Variants in NUB1 observed in about 807,000 individuals in gnomAD.
NUB1 encodes the protein negative regulator of ubiquitin like proteins 1, also known as NEDD8 ultimate buster 1.
Under a neutral mutation model 77.1 loss-of-function variants are expected in NUB1, and 41 were observed. That is an observed-to-expected ratio of 0.53 (90% CI 0.41 to 0.69). The LOEUF (loss-of-function observed/expected upper bound fraction) is 0.69, where lower values mean the gene tolerates loss of function less well. Ranked by LOEUF, NUB1 falls within the 30% of genes least tolerant of loss-of-function variation. The probability of loss-of-function intolerance (pLI) is 0.00; values close to 1 mark genes in which losing one functional copy is unlikely to be tolerated. For missense variants in NUB1, 643 were observed against 743.8 expected, an observed-to-expected ratio of 0.86 and a Z score of 1.58; for synonymous variants, 257 against 281.0, an observed-to-expected ratio of 0.91 and a Z score of 0.85.
At position 151,376,966 on chromosome 7, in the gene NUB1, G is replaced by C. The variant is rs1435297644; in HGVS notation, c.1670-81G>C. On this transcript the variant is annotated intron_variant, in intron 14 of 14. Transcript: ENST00000568733. The stretch of plus-strand genomic sequence containing the variant: ...GACAGTGTGGCCAGCAAGAGGCACA[G>C]TCTGAGGTTGACTGTGGTCGTGCAG... The C allele has an allele frequency of 2.8e-6, 4 of 1,426,204 alleles. No homozygotes were observed. The East Asian group carries it at 1.0e-4, about 36-fold the overall frequency. 88.3% of individuals were successfully genotyped at this position (1,426,204 alleles called of 1,614,324 possible).
At position 151,351,499 on chromosome 7, in the gene NUB1, T is replaced by C; in HGVS notation, c.344+17T>C. The stretch of plus-strand genomic sequence containing the variant: ...GAGGTCCAAGTAAGTATCTGTGTGC[T>C]CTGTGTCCTAGGTGCTCTGGGCCTT... On this transcript the variant is annotated intron_variant, in intron 4 of 14. Transcript: ENST00000568733. The C allele has an allele frequency of 1.2e-6, 2 of 1,602,670 alleles. No individual in the cohort carries two copies. Among genetic ancestry groups the C allele is most frequent in the Non-Finnish European group, 1.7e-6 (2 of 1,170,768 alleles).
At position 151,351,916 on chromosome 7, in the gene NUB1, A is replaced by ATCACACACACAC. The variant is rs60437024; in HGVS notation, c.344+434_344+435insTCACACACACAC. Among the ~76,000 whole-genome samples the ATCACACACACAC allele has an allele frequency of 4.5e-3, 679 of 151,120 alleles. 21 individuals are homozygous for ATCACACACACAC. The highest frequency in any genetic ancestry group is 0.03 in the Admixed American group (453 of 15,184). On this transcript the variant is annotated intron_variant, in intron 4 of 14. Coordinates refer to ENST00000568733, the MANE Select transcript of NUB1 (RefSeq NM_001243351.2). ...TTTCAGGCTGTTGGCCCATCTGTAA[A>ATCACACACACAC]ACACACACACACACACACACGTTTG... is the stretch of plus-strand genomic sequence containing the variant.
chr7:151,372,243 C>T (rs78640108), intron 11 of NUB1, among the ~76,000 whole-genome samples: 6,947 of 152,338 alleles, frequency 0.046, 222 homozygotes, highest in Non-Finnish European at 0.07. Context: ...CAGTGCAGTA[C>T]TCACTGTCAT....
At chr7:151,350,732 C>T (rs1316182773) in intron 3 of NUB1, among the ~76,000 whole-genome samples, 3 of 152,164 alleles carry the variant, frequency 2.0e-5, no homozygotes, top group Admixed American at 6.5e-5. Context: ...TTTGTGCCCT[C>T]GGTCTCTTGC....
At chr7:151,345,605 C>T (rs1796468043) in intron 2 of NUB1, 139 bp downstream of exon 2, 2 of 509,466 alleles carry the variant, frequency 3.9e-6, no homozygotes, top group Admixed American at 7.8e-5. Flanking sequence ...CCACTTTTTA[C>T]TAGGAACTGA....
intron 8 of NUB1, among the ~76,000 whole-genome samples, chr7:151,363,982 C>T (rs1374630676): frequency 3.3e-5 from 5 of 151,500 alleles, no homozygotes; most frequent in Non-Finnish European, 5.9e-5. Context: ...TTAGTAGAGA[C>T]GGGGTTTCAC....
At chr7:151,374,773 A>G in intron 12 of NUB1, 1 of 169,652 alleles carries the variant, frequency 5.9e-6, no homozygotes, top group Non-Finnish European at 1.3e-5. Context: ...AAGCATATCG[A>G]ATCCTCAGTA....
chr7:151,368,817 C>T lies in NUB1; in HGVS notation c.1178C>T (p.Ala393Val), dbSNP rs1325315733. ...LLQLGFTAQE[A>V]RLGLRACDGN... ...CAGTTGGGGTTTACTGCCCAGGAAG[C>T]CCGGCTTGGCCTGAGGGCGTGTGAT... The change falls in exon 11 of 15, where the codon GCC becomes GTC. Residue 393 changes from alanine (A) to valine (V), a missense_variant. Ala to Val is a moderately conservative substitution (Grantham distance 64). Transcript: ENST00000568733. 5 of 1,614,026 alleles carry T rather than the reference C, an allele frequency of 3.1e-6. No individual in the cohort carries two copies. Among genetic ancestry groups the T allele is most frequent in the African/African-American group, 1.3e-5 (1 of 75,060 alleles).
intron 3 of NUB1, among the ~76,000 whole-genome samples, chr7:151,350,276 CTGACTAATGTCAGG>C (rs1796725304): frequency 6.6e-6 from 1 of 152,272 alleles, no homozygotes; most frequent in African/African-American, 2.4e-5. Flanking sequence ...GTGGGCGGGC[CTGACTAATGTCAGG>C]CCTTCCACAA....
At chr7:151,359,541 G>A (rs1279107897) in intron 7 of NUB1, among the ~76,000 whole-genome samples, 1 of 152,188 alleles carries the variant, frequency 6.6e-6, no homozygotes, top group Non-Finnish European at 1.5e-5. Flanking sequence ...CATTTTGGGA[G>A]GCCAAGGCGG....
At chr7:151,365,316 CTCTTTT>C (rs1464152762) in intron 8 of NUB1, among the ~76,000 whole-genome samples, 1 of 92,182 alleles carries the variant, frequency 1.1e-5, no homozygotes, top group Non-Finnish European at 2.2e-5. Context: ...TTTCTTCTCT[CTCTTTT>C]TTTTTTTTTT....
intron 1 of NUB1, 165 bp downstream of exon 1, chr7:151,342,011 G>A: frequency 8.1e-7 from 1 of 1,239,252 alleles, no homozygotes; most frequent in East Asian, 3.3e-5. Context: ...GGCCGGGGCC[G>A]GGAGCGGTGG....
Position 151,341,999 on chromosome 7 carries a change from G to A in NUB1, c.-3+153G>A, listed in dbSNP as rs535204018. 8.8e-5 allele frequency: 111 copies of A among 1,257,122 alleles called. 1 individual carries two copies. The South Asian group carries it at 2.6e-3, about 30-fold the overall frequency. 77.9% of individuals were successfully genotyped at this position (1,257,122 alleles called of 1,614,324 possible). ...CCATGCGTGGAGCTGGGCCGGGGCC[G>A]GGGCCGGGGCCGGGAGCGGTGGGCC... On this transcript the variant is annotated intron_variant, in intron 1 of 14. Transcript: ENST00000568733.
intron 7 of NUB1, 41 bp downstream of exon 7, chr7:151,356,263 T>C (rs751961573): frequency 1.4e-6 from 2 of 1,450,060 alleles, no homozygotes; most frequent in Non-Finnish European, 1.9e-6. Context: ...CTTAGATTTG[T>C]TGTCAGGGCA....
chr7:151,343,700 G>C (rs910226416), intron 1 of NUB1, among the ~76,000 whole-genome samples: 2 of 152,146 alleles, frequency 1.3e-5, no homozygotes, highest in Admixed American at 6.5e-5. Context: ...ACTTCTCTGG[G>C]AGAGAGAAGT....
At position 151,349,246 on chromosome 7, in the gene NUB1, T is replaced by G; in HGVS notation, c.285+6T>G. ...TACCACCAAGACTAAAAAAAGTGAGTAATTTCCCTAAATTTGAGTAGGCAC... is the reference window on the plus strand; with the variant it reads ...TACCACCAAGACTAAAAAAAGTGAGGAATTTCCCTAAATTTGAGTAGGCAC... On this transcript the variant is annotated splice_donor_region_variant and intron_variant, in intron 3 of 14. Transcript: ENST00000568733. 1.9e-6 allele frequency: 3 copies of G among 1,601,438 alleles called. No individual in the cohort carries two copies. The highest frequency in any genetic ancestry group is 2.6e-6 in the Non-Finnish European group (3 of 1,174,724).
rs1234121833 is a variant in NUB1, at chr7:151,377,158, A to T, written c.1781A>T (p.Glu594Val). The T allele has an allele frequency of 6.3e-7, 1 of 1,590,484 alleles. No individual in the cohort carries two copies. Among genetic ancestry groups the T allele is most frequent in the Non-Finnish European group, 8.6e-7 (1 of 1,167,192 alleles). ...TATCTTGACTCAACTCTGGAAGATG[A>T]AGAAATTATTATTGCAGAGTACCTA... Reference protein sequence around the residue: ...EDYLDSTLEDEEIIIAEYLSY... With the variant: ...EDYLDSTLEDVEIIIAEYLSY... The change falls in exon 15 of 15, where the codon GAA becomes GTA. Residue 594 changes from glutamate (E) to valine (V), a missense_variant. Glu to Val is a moderately radical substitution (Grantham distance 121). Coordinates refer to ENST00000568733, the MANE Select transcript of NUB1 (RefSeq NM_001243351.2).
At chr7:151,342,149 A>G (rs1015154700) in intron 1 of NUB1, among the ~76,000 whole-genome samples, 18 of 152,242 alleles carry the variant, frequency 1.2e-4, no homozygotes, top group African/African-American at 3.6e-4. Context: ...AAATATGTCT[A>G]TAAAAAATTA....
chr7:151,369,118 G>A (rs951233399), intron 11 of NUB1: 45 of 344,348 alleles, frequency 1.3e-4, no homozygotes, highest in Non-Finnish European at 1.8e-4. Flanking sequence ...AGCAATTCTC[G>A]TGCCTCAGCC....
Sources: gnomAD v4.1 joint callset for allele counts (sites outside exome capture counted in the v4.1 genomes callset) on GRCh38, gnomAD v4.1.1 for gene constraint, MANE v1.5 for transcripts, NCBI Gene and HGNC (gene_info 2026-07-23, HGNC 2026-07-21) for gene names.